NAALADL2: variants seen among roughly 807,000 people sequenced by gnomAD.
NAALADL2 encodes the protein N-acetylated alpha-linked acidic dipeptidase like 2.
A neutral mutation model predicts 87.2 loss-of-function variants in NAALADL2; 76 were observed. The observed-to-expected ratio is 0.87, with a 90% CI of 0.72 to 1.05. NAALADL2 has a LOEUF of 1.05. NAALADL2 is among the 50% of genes least tolerant of loss of function. NAALADL2 has a pLI of 0.00. For missense variants in NAALADL2, 1,089 were observed against 945.8 expected (o/e 1.15, Z -1.99); for synonymous variants, 354 against 331.0 (o/e 1.07, Z -0.75).
At chr3:175,508,359 G>A (rs1293679103) in intron 9 of NAALADL2, among the ~76,000 whole-genome samples, 1 of 152,058 alleles carries the variant, frequency 6.6e-6, no homozygotes, top group East Asian at 1.9e-4. Context: ...CAACACCCCA[G>A]GTCACCTGAA....
At position 174,842,022 on chromosome 3, in the gene NAALADL2, T is replaced by G. The variant is rs560302643; in HGVS notation, c.-9+104276T>G. ...CTTTTAATTGTTCTTCATTTTATATTTCCATGATCGTGTTAAATGTACATT... is the reference window on the plus strand; with the variant it reads ...CTTTTAATTGTTCTTCATTTTATATGTCCATGATCGTGTTAAATGTACATT... On this transcript the variant is annotated intron_variant, in intron 3 of 3. Transcript: ENST00000434257. Among the ~76,000 whole-genome samples the G allele has an allele frequency of 2.0e-5, 3 of 151,990 alleles. 1 individual carries two copies. The South Asian group carries it at 6.2e-4, about 32-fold the overall frequency.
In NAALADL2 at chr3:175,762,948, G is replaced by A. The variant is rs145435635; in HGVS notation, c.2189+7530G>A. Reference sequence around the variant, plus strand: ...AAATACAAAAAATTAGCCAAGCGTGGTGGCGGGCGCCTGTAGTCCCAGGTA... The same window carrying A: ...AAATACAAAAAATTAGCCAAGCGTGATGGCGGGCGCCTGTAGTCCCAGGTA... On this transcript the variant is annotated intron_variant, in intron 13 of 13. Coordinates refer to ENST00000454872, the MANE Select transcript of NAALADL2 (RefSeq NM_207015.3). Among the ~76,000 whole-genome samples, 499 of 152,228 alleles carry A rather than the reference G, an allele frequency of 3.3e-3. 2 individuals carry two copies. Among genetic ancestry groups the A allele is most frequent in the Non-Finnish European group, 5.0e-3 (342 of 68,008 alleles).
chr3:175,057,191 G>GA (rs1424378616), intron 1 of NAALADL2, among the ~76,000 whole-genome samples: 2 of 152,032 alleles, frequency 1.3e-5, no homozygotes, highest in Non-Finnish European at 2.9e-5. Flanking sequence ...ATCTATAAGG[G>GA]AAAAAATAGA....
chr3:175,719,337 T>G (rs900420677), intron 11 of NAALADL2, among the ~76,000 whole-genome samples: 22 of 151,948 alleles, frequency 1.4e-4, no homozygotes, highest in African/African-American at 5.3e-4. Context: ...TATAACAGTA[T>G]GTTCATATTG....
intron 1 of NAALADL2, among the ~76,000 whole-genome samples, chr3:174,899,549 T>C (rs992242164): frequency 6.6e-6 from 1 of 152,176 alleles, no homozygotes; most frequent in African/African-American, 2.4e-5. Flanking sequence ...GTGATGTGTC[T>C]GCTTCCCCTT....
chr3:174,964,438 T>C (rs2108575619), intron 1 of NAALADL2, among the ~76,000 whole-genome samples: 1 of 152,136 alleles, frequency 6.6e-6, no homozygotes. Flanking sequence ...ATAATAATGA[T>C]ATATGAAGCC....
chr3:175,033,181 G>A (rs943592645), intron 1 of NAALADL2, among the ~76,000 whole-genome samples: 6 of 151,960 alleles, frequency 3.9e-5, no homozygotes, highest in Non-Finnish European at 7.4e-5. Context: ...TGGCTCTGAT[G>A]ATATTTGATG....
At chr3:175,135,057 C>T (rs1390345621) in intron 2 of NAALADL2, among the ~76,000 whole-genome samples, 3 of 152,064 alleles carry the variant, frequency 2.0e-5, no homozygotes, top group Non-Finnish European at 2.9e-5. Flanking sequence ...CTTATGTTGT[C>T]TATAGCTCTT....
intron 2 of NAALADL2, among the ~76,000 whole-genome samples, chr3:174,654,364 TATC>T (rs1017829944): frequency 8.5e-5 from 13 of 152,284 alleles, no homozygotes; most frequent in African/African-American, 2.2e-4. Context: ...ATTAATTAGA[TATC>T]ATAATAATGA....
chr3:174,598,935 GTC>G (rs902846477), intron 2 of NAALADL2, among the ~76,000 whole-genome samples: 33 of 152,216 alleles, frequency 2.2e-4, no homozygotes, highest in African/African-American at 7.7e-4. Flanking sequence ...TAAGCATGTT[GTC>G]TCTCTGTGGC....
At chr3:174,750,900 CT>C (rs972674281) in intron 3 of NAALADL2, among the ~76,000 whole-genome samples, 13 of 151,864 alleles carry the variant, frequency 8.6e-5, no homozygotes, top group Admixed American at 7.2e-4. Context: ...CTCTCAAAAC[CT>C]TTTTTTTCTC....
At chr3:175,081,132 T>C (rs1474418873) in intron 1 of NAALADL2, 2 of 152,156 alleles carry the variant, frequency 1.3e-5, no homozygotes, top group Non-Finnish European at 2.9e-5. Flanking sequence ...TTTAAACCGG[T>C]TTTCCAGTAA....
At chr3:175,115,081 A>G (rs967385855) in intron 2 of NAALADL2, 25 of 151,708 alleles carry the variant, frequency 1.6e-4, no homozygotes, top group Non-Finnish European at 3.2e-4. Context: ...ACTAAATGAT[A>G]AAATATGCCT....
At chr3:175,403,593 C>G (rs1328499805) in intron 5 of NAALADL2, among the ~76,000 whole-genome samples, 2 of 151,992 alleles carry the variant, frequency 1.3e-5, no homozygotes, top group East Asian at 3.9e-4. Flanking sequence ...ATTCCAGAGT[C>G]ATTCATATAG....
intron 1 of NAALADL2, among the ~76,000 whole-genome samples, chr3:175,026,847 G>C (rs185361907): frequency 5.3e-4 from 81 of 152,148 alleles, no homozygotes; most frequent in African/African-American, 2.0e-3. Flanking sequence ...GGTGTACTGG[G>C]GAGCACATCT....
chr3:174,472,327 T>A (rs1716955846), intron 1 of NAALADL2, among the ~76,000 whole-genome samples: 1 of 152,218 alleles, frequency 6.6e-6, no homozygotes, highest in African/African-American at 2.4e-5. Context: ...GTCATTTGGT[T>A]CTATTCATTC....
intron 5 of NAALADL2, among the ~76,000 whole-genome samples, chr3:175,374,349 T>A (rs1319845820): frequency 2.7e-5 from 4 of 149,058 alleles, no homozygotes; most frequent in Admixed American, 2.7e-4. Context: ...AGATCAGGAG[T>A]TCAAGACCAG....
At chr3:174,882,673 A>G (rs1229102829) in intron 1 of NAALADL2, among the ~76,000 whole-genome samples, 3 of 128,268 alleles carry the variant, frequency 2.3e-5, no homozygotes, top group Non-Finnish European at 4.8e-5. Flanking sequence ...ATATACACAT[A>G]TGTGTATATG....
At chr3:175,786,280 A>C (rs1576825296) in intron 13 of NAALADL2, among the ~76,000 whole-genome samples, 1 of 152,106 alleles carries the variant, frequency 6.6e-6, no homozygotes, top group East Asian at 1.9e-4. Context: ...CTCCTGGATA[A>C]TATCCTGCAA....
Sources: allele counts gnomAD v4.1 joint callset (sites outside exome capture counted in the v4.1 genomes callset), GRCh38; gene constraint gnomAD v4.1.1; transcripts MANE v1.5; gene names NCBI Gene and HGNC (gene_info 2026-07-23, HGNC 2026-07-21).